EBF1: variants seen among roughly 807,000 people sequenced by gnomAD.
The protein encoded by EBF1 is transcription factor COE1.
A neutral mutation model predicts 68.4 loss-of-function variants in EBF1; 10 were observed. The ratio of observed to expected loss-of-function variants is 0.15; its 90% CI spans 0.09 to 0.25. The LOEUF (loss-of-function observed/expected upper bound fraction) is 0.25. Among genes scored for constraint, EBF1 ranks in the 10% least tolerant of loss-of-function variants. The pLI is 1.00. For synonymous variants in EBF1, 298 were observed against 299.8 expected (o/e 0.99, Z 0.06); for missense variants, 509 against 794.4 (o/e 0.64, Z 4.32).
chr5:158,776,643 A>C (rs1775330074), intron 10 of EBF1, among the ~76,000 whole-genome samples: 1 of 152,160 alleles, frequency 6.6e-6, no homozygotes, highest in Admixed American at 6.6e-5. Context: ...ACCGCACTCC[A>C]CCTGTGGTTC....
intron 6 of EBF1, among the ~76,000 whole-genome samples, chr5:158,982,038 A>G (rs1758003228): frequency 6.6e-6 from 1 of 152,180 alleles, no homozygotes; most frequent in Non-Finnish European, 1.5e-5. Flanking sequence ...TTGTGTTCCC[A>G]CTATGTGCTT....
chr5:159,076,285 G>C (rs1412400619), intron 5 of EBF1, among the ~76,000 whole-genome samples: 1 of 152,048 alleles, frequency 6.6e-6, no homozygotes, highest in Non-Finnish European at 1.5e-5. Flanking sequence ...TTATGTATTG[G>C]GGGGCAAATA....
Position 158,707,981 on chromosome 5 carries a change from T to C in EBF1, c.1742A>G (p.Gln581Arg), listed in dbSNP as rs1384658807. 1 of 1,549,312 alleles carries C rather than the reference T, an allele frequency of 6.5e-7. No homozygotes were observed. Among genetic ancestry groups the C allele is most frequent in the Non-Finnish European group, 8.7e-7 (1 of 1,146,398 alleles). ...TCTSTNGNSLQAISGMIVPPM is the reference protein window; with the variant it reads ...TCTSTNGNSLRAISGMIVPPM ...GGCAGGTGGGGCCTGGGGCTTACCT[T>C]GCAGGCTGTTCCCGTTGGTGCTGGT... Residue 581 changes from glutamine (Q) to arginine (R), a missense_variant and splice_region_variant, in exon 15 of 16, where the codon CAA (glutamine) becomes CGA (arginine). Gln to Arg is a conservative substitution (Grantham distance 43). Transcript: ENST00000313708.
chr5:159,092,593 A>G (rs1436402979), intron 4 of EBF1, among the ~76,000 whole-genome samples: 1 of 152,232 alleles, frequency 6.6e-6, no homozygotes, highest in African/African-American at 2.4e-5. Flanking sequence ...AATCCCACCC[A>G]AGATCAAGAA....
intron 9 of EBF1, among the ~76,000 whole-genome samples, chr5:158,787,314 C>T (rs1777654294): frequency 2.0e-5 from 3 of 152,308 alleles, no homozygotes; most frequent in South Asian, 2.1e-4. Flanking sequence ...CTTCCCTAGA[C>T]ATCAGGCCAT....
At chr5:158,935,633 T>C (rs1056454393) in intron 6 of EBF1, among the ~76,000 whole-genome samples, 1 of 152,172 alleles carries the variant, frequency 6.6e-6, no homozygotes, top group African/African-American at 2.4e-5. Flanking sequence ...CAAACTAACA[T>C]GATTATTTTC....
At chr5:159,023,444 T>A (rs537920046) in intron 6 of EBF1, among the ~76,000 whole-genome samples, 93 of 152,296 alleles carry the variant, frequency 6.1e-4, no homozygotes, top group African/African-American at 2.2e-3. Flanking sequence ...CATTATGCTT[T>A]TTAAATTAGT....
intron 6 of EBF1, among the ~76,000 whole-genome samples, chr5:159,029,860 G>A (rs1475190160): frequency 2.0e-5 from 3 of 151,628 alleles, no homozygotes; most frequent in Non-Finnish European, 4.4e-5. Flanking sequence ...AGGCTGAGGC[G>A]AGAGTATCAT....
At chr5:159,020,054 C>T (rs983153042) in intron 6 of EBF1, among the ~76,000 whole-genome samples, 1 of 151,966 alleles carries the variant, frequency 6.6e-6, no homozygotes. Flanking sequence ...GGACAATGGC[C>T]CATCTCTAAC....
intron 8 of EBF1, among the ~76,000 whole-genome samples, chr5:158,821,023 C>T (rs1385036687): frequency 1.3e-5 from 2 of 152,192 alleles, no homozygotes; most frequent in African/African-American, 2.4e-5. Flanking sequence ...CACTTGGGCT[C>T]TCATTCCCCT....
chr5:159,043,522 T>C (rs1771691587), intron 6 of EBF1, among the ~76,000 whole-genome samples: 1 of 152,186 alleles, frequency 6.6e-6, no homozygotes, highest in Admixed American at 6.5e-5. Flanking sequence ...ACTGAATGAA[T>C]AAATGACCCA....
At chr5:158,703,820 C>T (rs983032456) in intron 15 of EBF1, among the ~76,000 whole-genome samples, 1 of 152,280 alleles carries the variant, frequency 6.6e-6, no homozygotes, top group South Asian at 2.1e-4. Flanking sequence ...CTGAATCCCA[C>T]TTGTTCCTCC....
At chr5:158,836,323 T>C (rs1226272154) in intron 7 of EBF1, among the ~76,000 whole-genome samples, 5 of 151,980 alleles carry the variant, frequency 3.3e-5, no homozygotes. Flanking sequence ...GCCTATAAAA[T>C]GGGGAAAGAT....
chr5:159,059,832 G>A (rs1283115404), intron 6 of EBF1, among the ~76,000 whole-genome samples: 4 of 152,148 alleles, frequency 2.6e-5, no homozygotes, highest in African/African-American at 9.7e-5. Context: ...AGAAACAGGT[G>A]CAGAGAAGAA....
intron 11 of EBF1, among the ~76,000 whole-genome samples, chr5:158,716,088 G>T (rs188624633): frequency 2.0e-5 from 3 of 152,220 alleles, no homozygotes; most frequent in African/African-American, 4.8e-5. Context: ...TATAATTGAG[G>T]ACTTAGAGCA....
chr5:159,020,828 G>A (rs1305877993), intron 6 of EBF1, among the ~76,000 whole-genome samples: 1 of 152,074 alleles, frequency 6.6e-6, no homozygotes, highest in Non-Finnish European at 1.5e-5. Flanking sequence ...TCTGATCTAG[G>A]CAAACTATGG....
intron 11 of EBF1, among the ~76,000 whole-genome samples, chr5:158,727,338 C>T (rs994741357): frequency 5.3e-5 from 8 of 152,116 alleles, no homozygotes; most frequent in Admixed American, 2.6e-4. Context: ...TGCAAGGGGG[C>T]GGAGACATTT....
At chr5:159,021,221 G>A (rs1766616434) in intron 6 of EBF1, among the ~76,000 whole-genome samples, 1 of 152,112 alleles carries the variant, frequency 6.6e-6, no homozygotes, top group South Asian at 2.1e-4. Flanking sequence ...TGGGCATTGA[G>A]GGAGTTAAAA....
chr5:158,823,058 A>G (rs1008638988), intron 8 of EBF1, 118 bp downstream of exon 8: 34 of 1,421,322 alleles, frequency 2.4e-5, no homozygotes, highest in Non-Finnish European at 3.2e-5. Context: ...GACCAATCTT[A>G]TTCAAAAAGA....
Sources: allele counts gnomAD v4.1 joint callset (sites outside exome capture counted in the v4.1 genomes callset), GRCh38; gene constraint gnomAD v4.1.1; transcripts MANE v1.5; gene names NCBI Gene and HGNC (gene_info 2026-07-23, HGNC 2026-07-21).